CLIP4: variants seen among roughly 807,000 people sequenced by gnomAD.
CLIP4 encodes the protein CAP-Gly domain containing linker protein family member 4, also known as CAP-Gly domain-containing linker protein 4.
In CLIP4, 47 loss-of-function variants were observed where a neutral mutation model predicts 73.1. That is an observed-to-expected ratio of 0.64 (90% CI 0.51 to 0.82). The LOEUF (loss-of-function observed/expected upper bound fraction) is 0.82, where lower values mean the gene tolerates loss of function less well. Among genes scored for constraint, CLIP4 ranks in the 40% least tolerant of loss-of-function variants. The pLI is 0.00. For missense variants in CLIP4, 874 were observed against 852.9 expected (o/e 1.02, Z -0.31); for synonymous variants, 306 against 295.4 (o/e 1.04, Z -0.37).
intron 2 of CLIP4, among the ~76,000 whole-genome samples, chr2:29,126,833 A>G (rs1206524885): frequency 6.6e-6 from 1 of 152,132 alleles, no homozygotes; most frequent in African/African-American, 2.4e-5. Context: ...GGTTGGGGAA[A>G]AGGACAGTTT....
At position 29,152,672 on chromosome 2, in the gene CLIP4, C is replaced by A. The variant is rs780422927; in HGVS notation, c.1022-13C>A. On this transcript the variant is annotated splice_polypyrimidine_tract_variant and intron_variant, in intron 8 of 15. Coordinates refer to ENST00000320081, the MANE Select transcript of CLIP4 (RefSeq NM_024692.6). ...TTAATTGTTTAACACTAAAATTCTG[C>A]ATTCTCCCTTAGGTATTTTTGCACC... The A allele has an allele frequency of 6.2e-7, 1 of 1,609,770 alleles. No homozygotes were observed. The highest frequency in any genetic ancestry group is 8.5e-7 in the Non-Finnish European group (1 of 1,178,190).
intron 9 of CLIP4, among the ~76,000 whole-genome samples, 186 bp downstream of exon 9, chr2:29,153,014 A>G (rs1666680770): frequency 6.6e-6 from 1 of 152,154 alleles, no homozygotes; most frequent in Non-Finnish European, 1.5e-5. Flanking sequence ...AATGTATTTC[A>G]GATTTGTTCC....
chr2:29,111,882 C>T (rs1668393820), upstream of CLIP4, among the ~76,000 whole-genome samples: 1 of 152,180 alleles, frequency 6.6e-6, no homozygotes, highest in Non-Finnish European at 1.5e-5. Context: ...TAGAGATAGT[C>T]TCCTGCATTT....
chr2:29,181,997 T>C lies in CLIP4; in HGVS notation c.*104T>C, dbSNP rs1312782510. 4.2e-6 allele frequency: 4 copies of C among 953,118 alleles called. No homozygotes were observed. Among genetic ancestry groups the C allele is most frequent in the South Asian group, 3.9e-5 (2 of 51,298 alleles). 59.0% of individuals were successfully genotyped at this position (953,118 alleles called of 1,614,324 possible). A position where few individuals can be genotyped will look rare whatever the true frequency, so the allele number is the denominator to read the frequency against. ...TAGCCATATTAAAATTTTGAAAATA[T>C]AGTTATCTTCTTAAAAACCATTATA... is the stretch of plus-strand genomic sequence containing the variant. On this transcript the variant is annotated 3_prime_UTR_variant, in exon 16 of 16. Transcript: ENST00000320081.
At chr2:29,112,473 T>C (rs185052048), upstream of CLIP4, among the ~76,000 whole-genome samples, 1 of 152,382 alleles carries the variant, frequency 6.6e-6, no homozygotes, top group East Asian at 1.9e-4. Context: ...CTGGATATTA[T>C]GCTTTAGAGT....
chr2:29,113,245 A>G (rs1668427826), upstream of CLIP4, among the ~76,000 whole-genome samples: 2 of 152,220 alleles, frequency 1.3e-5, no homozygotes, highest in African/African-American at 4.8e-5. This position sits in a 1 kb window ranked among gnomAD's most constrained non-coding sequence, Gnocchi z 4.0. Context: ...GATGTTGACC[A>G]GTAAGTTGAT....
At chr2:29,181,190 TAA>T (rs938045675) in intron 15 of CLIP4, among the ~76,000 whole-genome samples, 4 of 152,222 alleles carry the variant, frequency 2.6e-5, no homozygotes, top group African/African-American at 9.6e-5. Flanking sequence ...AAAAAAATGT[TAA>T]AGTCATAGGG....
intron 8 of CLIP4, among the ~76,000 whole-genome samples, chr2:29,152,476 C>A (rs554030907): frequency 6.6e-6 from 1 of 152,220 alleles, no homozygotes; most frequent in South Asian, 2.1e-4. Flanking sequence ...GTGGTTCTTA[C>A]ATTATTGACG....
At chr2:29,166,532 C>T (rs1667629875) in intron 13 of CLIP4, among the ~76,000 whole-genome samples, 1 of 73,468 alleles carries the variant, frequency 1.4e-5, no homozygotes, top group Non-Finnish European at 3.0e-5. Context: ...CACACACAGA[C>T]ACACACACAC....
At chr2:29,174,669 A>G (rs2148107390) in intron 15 of CLIP4, 1 of 1,243,452 alleles carries the variant, frequency 8.0e-7, no homozygotes, top group Non-Finnish European at 1.0e-6. Flanking sequence ...CATATATTTT[A>G]TCTTCATAGA....
At chr2:29,109,741 T>C (rs896769976) in intron 1 of CLIP4, among the ~76,000 whole-genome samples, 2 of 152,036 alleles carry the variant, frequency 1.3e-5, no homozygotes, top group Non-Finnish European at 2.9e-5. Context: ...TCTCAGGAAC[T>C]AGGGCTAAGA....
At chr2:29,151,379 AATC>A (rs1005323327) in intron 8 of CLIP4, among the ~76,000 whole-genome samples, 5 of 152,294 alleles carry the variant, frequency 3.3e-5, no homozygotes, top group South Asian at 4.1e-4. Context: ...CACTGGTTGT[AATC>A]ATCATCATCG....
chr2:29,133,842 A>G (rs1343063645), intron 5 of CLIP4, 26 bp downstream of exon 5: 6 of 1,553,752 alleles, frequency 3.9e-6, no homozygotes, highest in Non-Finnish European at 4.4e-6. Context: ...TCACCTTTAG[A>G]TATTATTAAC....
intron 9 of CLIP4, among the ~76,000 whole-genome samples, chr2:29,155,405 T>TAC (rs10602734): frequency 0.024 from 3,663 of 151,108 alleles, 144 homozygotes; most frequent in African/African-American, 0.082. Context: ...CCCAAGTGTA[T>TAC]ACACACACAC....
intron 8 of CLIP4, among the ~76,000 whole-genome samples, chr2:29,146,477 C>A (rs1007764754): frequency 1.3e-5 from 2 of 152,190 alleles, no homozygotes; most frequent in Admixed American, 1.3e-4. Flanking sequence ...TAAGTAAATT[C>A]TTTCTGACAT....
Position 29,135,655 on chromosome 2 carries a change from C to A in CLIP4, c.637C>A (p.Pro213Thr), listed in dbSNP as rs1297100146. ...GTGCCTCTTGGAGCAGGGAGCAAAT[C>A]CTGCATTTAGGGTAAGAGGTTAAAT... ...VKCLLEQGANPAFRNDKGQIP... is the reference protein window; with the variant it reads ...VKCLLEQGANTAFRNDKGQIP... The change falls in exon 6 of 16, where the codon CCT becomes ACT. Residue 213 changes from proline to threonine, a missense_variant. By Grantham distance (38) the Pro-to-Thr change is conservative. Transcript: ENST00000320081. 4 of 1,603,322 alleles carry A rather than the reference C, an allele frequency of 2.5e-6. No individual in the cohort carries two copies. Among genetic ancestry groups the A allele is most frequent in the Non-Finnish European group, 3.4e-6 (4 of 1,174,494 alleles).
chr2:29,139,999 A>AT (rs1170617605), intron 6 of CLIP4, among the ~76,000 whole-genome samples: 1 of 150,572 alleles, frequency 6.6e-6, no homozygotes, highest in Non-Finnish European at 1.5e-5. Flanking sequence ...AATTTTAGTT[A>AT]TTTTTTTGAC....
chr2:29,125,776 GGTT>G (rs1664563829), intron 2 of CLIP4, among the ~76,000 whole-genome samples: 1 of 152,132 alleles, frequency 6.6e-6, no homozygotes, highest in Admixed American at 6.5e-5. Flanking sequence ...CTGGTGTTGT[GGTT>G]GTTTCAGATG....
intron 6 of CLIP4, among the ~76,000 whole-genome samples, chr2:29,138,891 G>GT (rs1472056012): frequency 2.0e-5 from 3 of 151,558 alleles, no homozygotes; most frequent in South Asian, 2.1e-4. Context: ...GGTCTAGGAG[G>GT]TTTTTTTTGG....
Sources: allele counts gnomAD v4.1 joint callset (sites outside exome capture counted in the v4.1 genomes callset), GRCh38; gene constraint gnomAD v4.1.1; non-coding constraint Gnocchi (gnomAD v3.1); transcripts MANE v1.5; gene names NCBI Gene and HGNC (gene_info 2026-07-23, HGNC 2026-07-21).